The following C12orf42 variants were observed in gnomAD, a reference collection of about 807,000 sequenced individuals.
C12orf42 encodes chromosome 12 open reading frame 42, also known as uncharacterized protein C12orf42.
A neutral mutation model predicts 21.6 loss-of-function variants in C12orf42; 25 were observed. The ratio of observed to expected loss-of-function variants is 1.16; its 90% confidence interval spans 0.84 to 1.62. C12orf42 has a LOEUF of 1.62. Ranked by LOEUF, C12orf42 falls within the 40% of genes most tolerant of loss-of-function variation. C12orf42 has a pLI of 0.00. For missense variants in C12orf42, 483 were observed against 459.3 expected (o/e 1.05, Z -0.47); for synonymous variants, 174 against 175.0 (o/e 0.99, Z 0.05).
At chr12:103,473,930 C>T (rs1244735926) in intron 2 of C12orf42, among the ~76,000 whole-genome samples, 1 of 152,196 alleles carries the variant, frequency 6.6e-6, no homozygotes, top group Non-Finnish European at 1.5e-5. Flanking sequence ...AAAAGGATAT[C>T]ATATCAGTGC....
the C12orf42 span, among the ~76,000 whole-genome samples, chr12:103,102,997 AT>A: frequency 6.6e-6 from 1 of 152,070 alleles, no homozygotes; most frequent in Admixed American, 6.6e-5. Context: ...CTCCATACAC[AT>A]GAGAGTTTAT....
the C12orf42 span, among the ~76,000 whole-genome samples, chr12:103,061,548 T>G: frequency 2.0e-5 from 3 of 152,072 alleles, no homozygotes; most frequent in Admixed American, 2.0e-4. Flanking sequence ...TGATCATTTT[T>G]AAACTATTTA....
the C12orf42 span, among the ~76,000 whole-genome samples, chr12:103,527,221 A>T: frequency 6.6e-6 from 1 of 152,164 alleles, no homozygotes; most frequent in Non-Finnish European, 1.5e-5. Flanking sequence ...GCCACTGGAC[A>T]TGAACATGTC....
At chr12:103,421,055 A>C (rs1253146331) in intron 2 of C12orf42, among the ~76,000 whole-genome samples, 6 of 152,174 alleles carry the variant, frequency 3.9e-5, no homozygotes, top group African/African-American at 1.4e-4. Flanking sequence ...ATCACAGTGC[A>C]CCAATATGAG....
chr12:103,532,591 T>A, the C12orf42 span, among the ~76,000 whole-genome samples: 5 of 152,174 alleles, frequency 3.3e-5, no homozygotes, highest in Non-Finnish European at 7.4e-5. Flanking sequence ...TGTTCTAAAC[T>A]AAAGAAAATT....
Position 103,468,041 on chromosome 12 carries a change from A to G in C12orf42, c.78+10308T>C, listed in dbSNP as rs187939561. Reference sequence around the variant, plus strand: ...TGGAAACAATTTGTACCAACAACAAACCTTAATTAATAAATCCAAAATAGA... The same window carrying G: ...TGGAAACAATTTGTACCAACAACAAGCCTTAATTAATAAATCCAAAATAGA... On this transcript the variant is annotated intron_variant, in intron 2 of 5. Transcript: ENST00000548883. 3.9e-5 allele frequency among the ~76,000 whole-genome samples: 6 copies of G among 152,290 alleles called. No individual in the cohort carries two copies. In the East Asian group the frequency reaches 1.2e-3, roughly 29 times the overall value.
chr12:103,224,592 T>C, the C12orf42 span, among the ~76,000 whole-genome samples: 4 of 152,156 alleles, frequency 2.6e-5, no homozygotes, highest in Non-Finnish European at 4.4e-5. Context: ...GGAACAATGG[T>C]AATTGTGGGA....
intron 10 of C12orf42, among the ~76,000 whole-genome samples, chr12:103,240,487 C>T (rs1194240119): frequency 6.6e-6 from 1 of 152,194 alleles, no homozygotes; most frequent in African/African-American, 2.4e-5. Context: ...TACCTACAAC[C>T]TCCACAGCTC....
At chr12:103,474,021 C>T (rs141886743) in intron 2 of C12orf42, among the ~76,000 whole-genome samples, 79 of 152,186 alleles carry the variant, frequency 5.2e-4, no homozygotes, top group African/African-American at 1.5e-3. Flanking sequence ...TGAGTTTTGA[C>T]GGGGTTTTGG....
At chr12:103,219,264 A>G in the C12orf42 span, among the ~76,000 whole-genome samples, 1 of 152,184 alleles carries the variant, frequency 6.6e-6, no homozygotes, top group African/African-American at 2.4e-5. Context: ...TTAACTTGAG[A>G]TGGATTAAAG....
At chr12:103,417,380 AT>A (rs2049449663) in intron 2 of C12orf42, among the ~76,000 whole-genome samples, 2 of 152,124 alleles carry the variant, frequency 1.3e-5, no homozygotes, top group African/African-American at 4.8e-5. Context: ...ACTTCATGTT[AT>A]TTTCCCTGCT....
At chr12:103,433,811 G>T (rs1263265433) in intron 2 of C12orf42, among the ~76,000 whole-genome samples, 1 of 152,138 alleles carries the variant, frequency 6.6e-6, no homozygotes, top group Non-Finnish European at 1.5e-5. Flanking sequence ...ACAGAAATAT[G>T]AACTAAATTG....
chr12:103,137,660 G>C, the C12orf42 span, among the ~76,000 whole-genome samples: 1 of 152,144 alleles, frequency 6.6e-6, no homozygotes, highest in African/African-American at 2.4e-5. Context: ...AGAAAATGTG[G>C]TATACATACA....
the C12orf42 span, among the ~76,000 whole-genome samples, chr12:103,176,831 A>G: frequency 2.0e-5 from 3 of 152,342 alleles, no homozygotes; most frequent in South Asian, 2.1e-4. Flanking sequence ...ATAAGACACC[A>G]CGACCATTTG....
At chr12:103,363,432 A>T (rs2044291988) in intron 4 of C12orf42, among the ~76,000 whole-genome samples, 1 of 152,130 alleles carries the variant, frequency 6.6e-6, no homozygotes, top group South Asian at 2.1e-4. Context: ...CAAAAATACA[A>T]TTAAAAAAGA....
chr12:103,536,146 G>C, the C12orf42 span, among the ~76,000 whole-genome samples: 1 of 152,158 alleles, frequency 6.6e-6, no homozygotes, highest in African/African-American at 2.4e-5. Flanking sequence ...GGAGGTGGTT[G>C]GTTGGATTAG....
At chr12:103,315,649 A>C (rs2039400715) in intron 4 of C12orf42, among the ~76,000 whole-genome samples, 1 of 152,298 alleles carries the variant, frequency 6.6e-6, no homozygotes, top group East Asian at 1.9e-4. Flanking sequence ...AAATATATGA[A>C]ATAATTATGG....
the C12orf42 span, among the ~76,000 whole-genome samples, chr12:103,183,294 G>T: frequency 6.6e-5 from 10 of 152,224 alleles, no homozygotes; most frequent in African/African-American, 2.4e-4. Context: ...GTTGGCCAGG[G>T]TGGTCTCGAT....
chr12:103,479,001 G>A (rs1954274401), intron 1 of C12orf42, among the ~76,000 whole-genome samples: 1 of 152,030 alleles, frequency 6.6e-6, no homozygotes, highest in Non-Finnish European at 1.5e-5. Flanking sequence ...TGAACTTTGA[G>A]TTTTCGTCTT....
Sources: gnomAD v4.1 joint callset for allele counts (sites outside exome capture counted in the v4.1 genomes callset) on GRCh38, gnomAD v4.1.1 for gene constraint, MANE v1.5 for transcripts, NCBI Gene and HGNC (gene_info 2026-07-23, HGNC 2026-07-21) for gene names.